The following CNTN4 variants were observed in gnomAD, a reference collection of about 807,000 sequenced individuals.
CNTN4 encodes contactin-4.
A neutral mutation model predicts 122.5 loss-of-function variants in CNTN4; 77 were observed. That is an observed-to-expected ratio of 0.63 (90% confidence interval 0.52 to 0.76). The LOEUF (loss-of-function observed/expected upper bound fraction) is 0.76. CNTN4 is among the 30% of genes least tolerant of loss of function. The probability of loss-of-function intolerance (pLI) is 0.00; values close to 1 mark genes in which losing one functional copy is unlikely to be tolerated. For synonymous variants in CNTN4, 512 were observed against 447.0 expected, an observed-to-expected ratio of 1.15 and a Z score of -1.83; for missense variants, 1,256 against 1,259.1, an observed-to-expected ratio of 1.00 and a Z score of 0.04.
At chr3:3,024,025 G>A (rs929733377) in intron 14 of CNTN4, among the ~76,000 whole-genome samples, 1 of 152,156 alleles carries the variant, frequency 6.6e-6, no homozygotes, top group Non-Finnish European at 1.5e-5. Context: ...TCCATGTAAA[G>A]TGCTTAACAG....
intron 3 of CNTN4, among the ~76,000 whole-genome samples, chr3:2,475,421 G>A (rs1482467328): frequency 6.6e-6 from 1 of 152,192 alleles, no homozygotes; most frequent in Non-Finnish European, 1.5e-5. Flanking sequence ...TCTATGTGGA[G>A]TAGGATCCAG....
intron 2 of CNTN4, among the ~76,000 whole-genome samples, chr3:2,264,221 A>G (rs1034518947): frequency 1.6e-4 from 24 of 152,064 alleles, no homozygotes; most frequent in Admixed American, 1.3e-4. Flanking sequence ...TGCTACTTTT[A>G]CATTTTCACA....
chr3:2,512,224 C>G (rs1328354767), intron 3 of CNTN4, among the ~76,000 whole-genome samples: 1 of 151,938 alleles, frequency 6.6e-6, no homozygotes, highest in African/African-American at 2.4e-5. Flanking sequence ...TGGAGGTGGG[C>G]AGGATAACTG....
intron 7 of CNTN4, among the ~76,000 whole-genome samples, chr3:2,859,078 C>T (rs1429780777): frequency 6.6e-6 from 1 of 152,206 alleles, no homozygotes; most frequent in African/African-American, 2.4e-5. Flanking sequence ...CCCCAGCTAG[C>T]TTCTGGTAAT....
intron 4 of CNTN4, among the ~76,000 whole-genome samples, chr3:2,625,954 A>G (rs2082169098): frequency 6.6e-6 from 1 of 152,196 alleles, no homozygotes; most frequent in Non-Finnish European, 1.5e-5. Flanking sequence ...ATTCTGGACA[A>G]CACTTGACAG....
At chr3:2,687,539 T>A (rs1205010656) in intron 4 of CNTN4, among the ~76,000 whole-genome samples, 1 of 152,190 alleles carries the variant, frequency 6.6e-6, no homozygotes, top group Non-Finnish European at 1.5e-5. Context: ...GGCATGCGCC[T>A]GTAGTCCCAG....
At chr3:2,631,879 C>CAAACAAAAAAAA (rs1559327622) in intron 4 of CNTN4, among the ~76,000 whole-genome samples, 6 of 113,420 alleles carry the variant, frequency 5.3e-5, no homozygotes, top group African/African-American at 2.7e-4. Context: ...AAAAAAAAAA[C>CAAACAAAAAAAA]AAAAAAAAAC....
intron 2 of CNTN4, among the ~76,000 whole-genome samples, chr3:2,103,811 C>G (rs1322484710): frequency 2.0e-5 from 3 of 152,110 alleles, no homozygotes; most frequent in African/African-American, 7.2e-5. Flanking sequence ...CCCTCTTGTT[C>G]TCATCCTGTT....
chr3:2,153,749 A>G (rs1419928002), intron 2 of CNTN4, among the ~76,000 whole-genome samples: 1 of 152,154 alleles, frequency 6.6e-6, no homozygotes, highest in Non-Finnish European at 1.5e-5. Flanking sequence ...GCGTGGGGTG[A>G]AAGGGAGCAG....
intron 2 of CNTN4, among the ~76,000 whole-genome samples, chr3:2,151,735 G>C (rs1402843906): frequency 6.6e-6 from 1 of 152,116 alleles, no homozygotes; most frequent in African/African-American, 2.4e-5. Flanking sequence ...AAGTGGGACT[G>C]GTGGCTTTAT....
chr3:2,187,649 A>G (rs1199445292), intron 2 of CNTN4, among the ~76,000 whole-genome samples: 4 of 152,176 alleles, frequency 2.6e-5, no homozygotes, highest in Non-Finnish European at 5.9e-5. Context: ...GTGAGGACAC[A>G]ATATCGACTA....
intron 14 of CNTN4, among the ~76,000 whole-genome samples, chr3:3,017,970 C>T (rs1697928423): frequency 6.6e-6 from 1 of 152,196 alleles, no homozygotes; most frequent in African/African-American, 2.4e-5. Flanking sequence ...TCCTACTTCC[C>T]TCCTTACCTT....
At chr3:2,256,592 C>T (rs1198831786) in intron 2 of CNTN4, among the ~76,000 whole-genome samples, 1 of 152,162 alleles carries the variant, frequency 6.6e-6, no homozygotes, top group Non-Finnish European at 1.5e-5. Context: ...TCTTATCCAC[C>T]ATGATCAAGT....
At chr3:2,185,333 G>A (rs537474278) in intron 2 of CNTN4, among the ~76,000 whole-genome samples, 41 of 152,266 alleles carry the variant, frequency 2.7e-4, no homozygotes, top group African/African-American at 9.9e-4. Flanking sequence ...TTTCCCTCTA[G>A]TGTGTAAAGT....
chr3:2,169,817 TAGTC>T (rs1418537987), intron 2 of CNTN4, among the ~76,000 whole-genome samples: 1 of 152,188 alleles, frequency 6.6e-6, no homozygotes, highest in Admixed American at 6.5e-5. Flanking sequence ...TCAATGCTCT[TAGTC>T]AACAATGCTC....
chr3:2,528,237 A>G (rs2077472893), intron 3 of CNTN4, among the ~76,000 whole-genome samples: 1 of 152,114 alleles, frequency 6.6e-6, no homozygotes, highest in South Asian at 2.1e-4. Context: ...TGTAGTCTTG[A>G]TTCTTTGTTG....
chr3:2,513,147 G>C (rs1418776240), intron 3 of CNTN4, among the ~76,000 whole-genome samples: 10 of 152,168 alleles, frequency 6.6e-5, no homozygotes, highest in Non-Finnish European at 1.5e-4. Flanking sequence ...CTGGAAAAAA[G>C]TAAGTGTGCA....
chr3:3,016,858 A>G (rs1224889058), intron 14 of CNTN4, among the ~76,000 whole-genome samples: 1 of 152,160 alleles, frequency 6.6e-6, no homozygotes, highest in Non-Finnish European at 1.5e-5. Context: ...TAGATCAGTA[A>G]GCATTCCACT....
chr3:2,581,851 G>T (rs1248571632), intron 4 of CNTN4, among the ~76,000 whole-genome samples: 1 of 152,184 alleles, frequency 6.6e-6, no homozygotes, highest in East Asian at 1.9e-4. Context: ...CTACAACATG[G>T]ACAAACTTTG....
Sources: gnomAD v4.1 joint callset for allele counts (sites outside exome capture counted in the v4.1 genomes callset) on GRCh38, gnomAD v4.1.1 for gene constraint, MANE v1.5 for transcripts, NCBI Gene and HGNC (gene_info 2026-07-23, HGNC 2026-07-21) for gene names.